The following KLRG1 variants were observed in gnomAD, a reference collection of about 807,000 sequenced individuals.
KLRG1 encodes killer cell lectin-like receptor subfamily G member 1.
A neutral mutation model predicts 21.8 loss-of-function variants in KLRG1; 16 were observed. The observed-to-expected ratio is 0.73, with a 90% CI of 0.50 to 1.11. The LOEUF (loss-of-function observed/expected upper bound fraction) is 1.11. Ranked by LOEUF, KLRG1 falls within the 50% of genes most tolerant of loss-of-function variation. The pLI, the probability that KLRG1 is intolerant of heterozygous loss-of-function variation, is 0.00. For missense variants in KLRG1, 173 were observed against 218.3 expected (o/e 0.79, Z 1.31); for synonymous variants, 69 against 75.9 (o/e 0.91, Z 0.47).
chr12:8,972,400 G>A lies in KLRG1; in HGVS notation c.-155-19806G>A, dbSNP rs758615757. Among the ~76,000 whole-genome samples the A allele has an allele frequency of 7.2e-5, 11 of 152,094 alleles. No individual in the cohort carries two copies. The East Asian group carries it at 7.8e-4, about 11-fold the overall frequency. ...TCTCGATCTCCTAACCTCGTGATCC[G>A]CCCCTGCCTCGGCATCCCAAAGTGC... On this transcript the variant is annotated intron_variant, in intron 1 of 4. Transcript: ENST00000539240.
At chr12:9,077,355 G>A in the KLRG1 span, 2 of 1,613,118 alleles carry the variant, frequency 1.2e-6, no homozygotes, top group Non-Finnish European at 1.7e-6. Context: ...CAGTGACTGT[G>A]AGAGGAATCT....
chr12:9,066,692 T>C, the KLRG1 span: 1 of 152,254 alleles, frequency 6.6e-6, no homozygotes, highest in South Asian at 2.1e-4. Context: ...AATTCTATTC[T>C]ATAAGCACCA....
chr12:9,101,537 T>G, the KLRG1 span: 1 of 1,613,910 alleles, frequency 6.2e-7, no homozygotes, highest in East Asian at 2.2e-5. Context: ...GGCCACAGGG[T>G]AGTTCATGAG....
At chr12:9,001,735 C>T (rs953636835) in intron 3 of KLRG1, among the ~76,000 whole-genome samples, 12 of 152,288 alleles carry the variant, frequency 7.9e-5, no homozygotes, top group African/African-American at 2.4e-4. Flanking sequence ...CAACCAACCC[C>T]ATCTCATGAT....
the KLRG1 span, among the ~76,000 whole-genome samples, chr12:9,184,894 C>T: frequency 6.6e-6 from 1 of 152,162 alleles, no homozygotes; most frequent in African/African-American, 2.4e-5. Context: ...ATCAAACCTC[C>T]AAGGTCATCG....
chr12:9,159,936 A>T, the KLRG1 span: 1 of 1,607,210 alleles, frequency 6.2e-7, no homozygotes, highest in Non-Finnish European at 8.5e-7. Context: ...TTTCTTTCTT[A>T]CCAAGTGTTG....
At chr12:9,029,141 G>A in the KLRG1 span, 1 of 312,784 alleles carries the variant, frequency 3.2e-6, no homozygotes, top group South Asian at 5.7e-5. Flanking sequence ...GGTGTCCAAG[G>A]GCAGAAAGGC....
chr12:9,167,843 G>A, the KLRG1 span, among the ~76,000 whole-genome samples: 1 of 152,006 alleles, frequency 6.6e-6, no homozygotes, highest in Non-Finnish European at 1.5e-5. Flanking sequence ...CTTGAAGTTT[G>A]TTCTATGTAA....
At chr12:9,075,932 T>C in the KLRG1 span, among the ~76,000 whole-genome samples, 4 of 152,220 alleles carry the variant, frequency 2.6e-5, no homozygotes, top group Non-Finnish European at 5.9e-5. Context: ...ATAAAATATT[T>C]CTCAATACAT....
chr12:9,178,480 A>G, the KLRG1 span, among the ~76,000 whole-genome samples: 2 of 152,210 alleles, frequency 1.3e-5, no homozygotes, highest in East Asian at 3.8e-4. Flanking sequence ...GAGAAGCCGT[A>G]AAGTGCTTCC....
chr12:9,052,726 T>G, the KLRG1 span: 1 of 405,120 alleles, frequency 2.5e-6, no homozygotes, highest in African/African-American at 2.1e-5. Flanking sequence ...TGCCTCATTT[T>G]TCACTTGGAG....
the KLRG1 span, chr12:9,072,209 T>A: frequency 2.2e-6 from 2 of 909,298 alleles, no homozygotes; most frequent in Non-Finnish European, 3.3e-6. Context: ...AACCCCATCA[T>A]TGAGAAATTA....
the KLRG1 span, among the ~76,000 whole-genome samples, chr12:9,172,528 C>A: frequency 6.6e-6 from 1 of 152,252 alleles, no homozygotes; most frequent in Non-Finnish European, 1.5e-5. Flanking sequence ...AGTTAAAAGA[C>A]ACAGAATGGC....
the KLRG1 span, among the ~76,000 whole-genome samples, chr12:9,027,342 A>G: frequency 3.9e-5 from 6 of 152,026 alleles, no homozygotes; most frequent in Admixed American, 2.6e-4. Flanking sequence ...AACCTGTTAT[A>G]CAATTAGTCA....
the KLRG1 span, among the ~76,000 whole-genome samples, chr12:9,097,632 C>CTTT: frequency 7.9e-6 from 1 of 127,116 alleles, no homozygotes; most frequent in African/African-American, 2.9e-5. Flanking sequence ...TGATGTAATT[C>CTTT]TTTTTTTTTT....
At chr12:9,176,662 A>T in the KLRG1 span, among the ~76,000 whole-genome samples, 1 of 152,336 alleles carries the variant, frequency 6.6e-6, no homozygotes, top group Non-Finnish European at 1.5e-5. Context: ...TTATCCCTGG[A>T]CAGATGTAAG....
At chr12:9,202,444 C>G in the KLRG1 span, 5 of 1,611,794 alleles carry the variant, frequency 3.1e-6, no homozygotes, top group African/African-American at 6.7e-5. Flanking sequence ...CAGGAGGCTA[C>G]GGGGCTAGGA....
chr12:9,128,107 C>T, the KLRG1 span: 1 of 191,518 alleles, frequency 5.2e-6, no homozygotes, highest in Non-Finnish European at 1.1e-5. Flanking sequence ...AGACGCACAT[C>T]CAAGGCCTGC....
chr12:8,987,244 T>C (rs1023217077), upstream of KLRG1: 5 of 152,212 alleles, frequency 3.3e-5, no homozygotes, highest in African/African-American at 4.8e-5. Flanking sequence ...AGTGTGACTG[T>C]ATTTGGAGAT....
Sources: allele counts gnomAD v4.1 joint callset (sites outside exome capture counted in the v4.1 genomes callset), GRCh38; gene constraint gnomAD v4.1.1; transcripts MANE v1.5; gene names NCBI Gene and HGNC (gene_info 2026-07-23, HGNC 2026-07-21).